The following ARHGEF38 variants were observed in gnomAD, a reference collection of about 807,000 sequenced individuals.
ARHGEF38 encodes Rho guanine nucleotide exchange factor (GEF) 38.
A neutral mutation model predicts 79.9 loss-of-function variants in ARHGEF38; 79 were observed. The observed-to-expected ratio is 0.99, with a 90% CI of 0.82 to 1.19. The LOEUF (loss-of-function observed/expected upper bound fraction) is 1.19. Among genes scored for constraint, ARHGEF38 ranks in the 50% most tolerant of loss-of-function variants. The pLI is 0.00. For missense variants in ARHGEF38, 962 were observed against 907.2 expected (o/e 1.06, Z -0.78); for synonymous variants, 366 against 328.3 (o/e 1.11, Z -1.24).
At chr4:105,661,856 T>C (rs1489708804) in intron 10 of ARHGEF38, among the ~76,000 whole-genome samples, 2 of 152,142 alleles carry the variant, frequency 1.3e-5, no homozygotes, top group African/African-American at 4.8e-5. Flanking sequence ...ATGTATTCTT[T>C]TGTGTATTAA....
intron 3 of ARHGEF38, 78 bp from the exon 4 acceptor site, chr4:105,630,820 C>A: frequency 2.3e-6 from 3 of 1,322,294 alleles, no homozygotes; most frequent in Non-Finnish European, 3.1e-6. Context: ...TGACACGAGT[C>A]GACATTGTTG....
chr4:105,676,844 A>ATAAC lies in ARHGEF38; in HGVS notation c.2149-905_2149-904insCTAA, dbSNP rs1578371367. ...TATAATTGTACCATTCAAAGAAACA[A>ATAAC]TAATATTAGACTTATATCGTACATC... On this transcript the variant is annotated intron_variant, in intron 13 of 13. Coordinates refer to ENST00000420470, the MANE Select transcript of ARHGEF38 (RefSeq NM_001242729.2). Among the ~76,000 whole-genome samples the ATAAC allele has an allele frequency of 1.1e-4, 16 of 152,298 alleles. No individual in the cohort carries two copies. The South Asian group carries it at 3.3e-3, about 32-fold the overall frequency.
At chr4:105,627,764 G>T (rs1396375917) in intron 3 of ARHGEF38, among the ~76,000 whole-genome samples, 1 of 152,062 alleles carries the variant, frequency 6.6e-6, no homozygotes, top group Admixed American at 6.6e-5. Context: ...TAGACAGAGC[G>T]GTTGTCCTTC....
chr4:105,589,412 G>C lies in ARHGEF38; in HGVS notation c.361G>C (p.Val121Leu). 1 of 1,608,852 alleles carries C rather than the reference G, an allele frequency of 6.2e-7. No homozygotes were observed. ...TCTAGAGCTGTGTGTTAGGGAAGTG[G>C]TTCAGCCCCTGAGAAATAAAAAGGT... is the stretch of plus-strand genomic sequence containing the variant. ...NDLELCVREV[V>L]QPLRNKKTDR... is the part of the protein sequence containing the mutation. Residue 121 changes from valine (V) to leucine (L), a missense_variant, in exon 2 of 14, where the codon GTT (valine) becomes CTT (leucine). Physicochemically the swap from Val to Leu is conservative, Grantham distance 32. Transcript: ENST00000420470.
At chr4:105,661,629 C>T (rs1041070620) in intron 10 of ARHGEF38, among the ~76,000 whole-genome samples, 2 of 151,774 alleles carry the variant, frequency 1.3e-5, no homozygotes, top group Non-Finnish European at 2.9e-5. Flanking sequence ...AACTTCTATA[C>T]ATTAAACTGC....
At chr4:105,637,447 T>C (rs1020207265) in intron 5 of ARHGEF38, among the ~76,000 whole-genome samples, 1 of 152,118 alleles carries the variant, frequency 6.6e-6, no homozygotes, top group Non-Finnish European at 1.5e-5. Flanking sequence ...GGAAAAACTA[T>C]CCGACAGTAT....
At position 105,655,716 on chromosome 4, in the gene ARHGEF38, T is replaced by C. The variant is rs1730294552; in HGVS notation, c.1227T>C (p.His409=). 1.3e-6 allele frequency: 2 copies of C among 1,534,680 alleles called. No individual in the cohort carries two copies. The highest frequency in any genetic ancestry group is 1.7e-4 in the Middle Eastern group (1 of 5,982). ...TAAGTAATGCCTTAAATTCGTGTCA[T>C]GACTTTGTAAGTTATTTATATTCAC... The part of the protein sequence containing the change: ...ETLSNALNSC[H]DFASHLQRLI... The change falls in exon 9 of 14, where the codon CAT becomes CAC. Residue 409 remains histidine (H), a synonymous_variant. Transcript: ENST00000420470.
At chr4:105,670,656 A>C (rs1730928296) in intron 13 of ARHGEF38, among the ~76,000 whole-genome samples, 1 of 152,154 alleles carries the variant, frequency 6.6e-6, no homozygotes, top group Non-Finnish European at 1.5e-5. Context: ...GTTTCAAAAC[A>C]CTATTTCTCT....
At chr4:105,654,753 A>G (rs1730253159) in intron 8 of ARHGEF38, among the ~76,000 whole-genome samples, 1 of 152,206 alleles carries the variant, frequency 6.6e-6, no homozygotes, top group Non-Finnish European at 1.5e-5. Flanking sequence ...AAAACCAGTC[A>G]GAGGTTTTTT....
At chr4:105,578,711 A>T (rs1726630700) in intron 1 of ARHGEF38, among the ~76,000 whole-genome samples, 1 of 152,164 alleles carries the variant, frequency 6.6e-6, no homozygotes, top group Admixed American at 6.5e-5. Flanking sequence ...TGTGTGATCT[A>T]AGAATAACCA....
chr4:105,584,741 A>G (rs1726952118), intron 1 of ARHGEF38, among the ~76,000 whole-genome samples: 3 of 152,228 alleles, frequency 2.0e-5, no homozygotes, highest in African/African-American at 7.2e-5. Context: ...CAAAGAAAGA[A>G]AGAAAGAAAT....
At chr4:105,668,700 AG>A (rs1730855118) in intron 13 of ARHGEF38, among the ~76,000 whole-genome samples, 1 of 150,094 alleles carries the variant, frequency 6.7e-6, no homozygotes, top group Non-Finnish European at 1.5e-5. Context: ...ATAGATAGAT[AG>A]ATAGATGATA....
intron 2 of ARHGEF38, among the ~76,000 whole-genome samples, chr4:105,602,644 G>A (rs1316507111): frequency 1.3e-5 from 2 of 152,026 alleles, no homozygotes; most frequent in Non-Finnish European, 2.9e-5. Flanking sequence ...GAATTTAGTG[G>A]TACAGCTAAT....
At chr4:105,666,154 T>C (rs569582397) in intron 10 of ARHGEF38, 23 bp from the exon 11 acceptor site, 2 of 1,499,682 alleles carry the variant, frequency 1.3e-6, no homozygotes, top group Admixed American at 2.3e-5. Context: ...CTGGAAACAA[T>C]GCCATATTAT....
chr4:105,571,032 A>G (rs1395805271), intron 1 of ARHGEF38, among the ~76,000 whole-genome samples: 2 of 152,212 alleles, frequency 1.3e-5, no homozygotes, highest in African/African-American at 2.4e-5. Flanking sequence ...GAAGAAATGC[A>G]TAAGTATTGT....
At chr4:105,594,268 T>TTCAGTTCAC (rs1727474684) in intron 2 of ARHGEF38, among the ~76,000 whole-genome samples, 1 of 152,210 alleles carries the variant, frequency 6.6e-6, no homozygotes, top group East Asian at 1.9e-4. Context: ...CACCAGTTCA[T>TTCAGTTCAC]TCAGTTCACT....
In ARHGEF38 at chr4:105,660,687, G is replaced by A. The variant is rs141670723; in HGVS notation, c.1545+1322G>A. Among the ~76,000 whole-genome samples the A allele has an allele frequency of 2.3e-3, 343 of 152,134 alleles. 2 individuals are homozygous for A. The highest frequency in any genetic ancestry group is 7.5e-3 in the African/African-American group (310 of 41,514). On this transcript the variant is annotated intron_variant, in intron 10 of 13. Coordinates refer to ENST00000420470, the MANE Select transcript of ARHGEF38 (RefSeq NM_001242729.2). ...ACTTCTGACCTCAGGTGATCCACTC[G>A]CCTCGGCCTTCCAAAGTGCTGGGAT...
At chr4:105,565,535 A>G (rs543137820) in intron 1 of ARHGEF38, among the ~76,000 whole-genome samples, 2 of 152,246 alleles carry the variant, frequency 1.3e-5, no homozygotes, top group African/African-American at 2.4e-5. Flanking sequence ...TTTCGTAATG[A>G]TCTGTCTGGA....
At chr4:105,597,997 T>C (rs1018148222) in intron 2 of ARHGEF38, among the ~76,000 whole-genome samples, 24 of 152,128 alleles carry the variant, frequency 1.6e-4, no homozygotes, top group Non-Finnish European at 2.5e-4. Flanking sequence ...TTGTTTACTC[T>C]CCCAAACTTT....
Sources: allele counts gnomAD v4.1 joint callset (sites outside exome capture counted in the v4.1 genomes callset), GRCh38; gene constraint gnomAD v4.1.1; transcripts MANE v1.5; gene names NCBI Gene and HGNC (gene_info 2026-07-23, HGNC 2026-07-21).